PRKCZ: variants seen among roughly 807,000 people sequenced by gnomAD.
The protein encoded by PRKCZ is protein kinase C zeta type.
A neutral mutation model predicts 79.5 loss-of-function variants in PRKCZ; 33 were observed. The observed-to-expected ratio is 0.41, with a 90% CI of 0.31 to 0.55. PRKCZ has a LOEUF of 0.55. Among genes scored for constraint, PRKCZ ranks in the 20% least tolerant of loss-of-function variants. PRKCZ has a pLI of 0.19. For synonymous variants in PRKCZ, 342 were observed against 320.9 expected (o/e 1.07, Z -0.70); for missense variants, 578 against 813.5 (o/e 0.71, Z 3.52).
Position 2,165,105 on chromosome 1 carries a change from G to C in PRKCZ, c.975-4413G>C, listed in dbSNP as rs1362841724. On this transcript the variant is annotated intron_variant, in intron 10 of 17. Coordinates refer to ENST00000378567, the MANE Select transcript of PRKCZ (RefSeq NM_002744.6). The surrounding 1 kb of genome is among the most constrained non-coding windows in gnomAD (Gnocchi z 4.1). ...CCTTTTATCTTTGATGGAGAAATCC[G>C]AGGCCTGCCAGCATCCCCACCAGTA... Among the ~76,000 whole-genome samples the C allele has an allele frequency of 6.6e-6, 1 of 152,208 alleles. No individual in the cohort carries two copies. The highest frequency in any genetic ancestry group is 1.5e-5 in the Non-Finnish European group (1 of 68,034).
In PRKCZ at chr1:2,050,524, T is replaced by A. The variant is rs924300447; in HGVS notation, c.-107T>A. On this transcript the variant is annotated 5_prime_UTR_variant, in exon 1 of 18. Transcript: ENST00000378567. ...TTGACCGGGTCGGCGCCGTCGGTCC[T>A]GAGCGCTGCCTTCCGCGTTCCGCCG... The A allele has an allele frequency of 4.8e-4, 329 of 686,974 alleles. 1 individual carries two copies. Among genetic ancestry groups the A allele is most frequent in the Non-Finnish European group, 5.8e-4 (292 of 504,772 alleles). 42.6% of individuals were successfully genotyped at this position (686,974 alleles called of 1,614,324 possible). A position where few individuals can be genotyped will look rare whatever the true frequency, so the allele number is the denominator to read the frequency against.
At chr1:2,163,354 G>T (rs1396274212) in intron 10 of PRKCZ, among the ~76,000 whole-genome samples, 1 of 152,194 alleles carries the variant, frequency 6.6e-6, no homozygotes, top group Non-Finnish European at 1.5e-5. Context: ...GTCCCTGCCT[G>T]AGCTGTTGGA....
At chr1:2,121,529 A>ATGGTG (rs1671918024) in intron 4 of PRKCZ, among the ~76,000 whole-genome samples, 2 of 7,318 alleles carry the variant, frequency 2.7e-4, no homozygotes, top group African/African-American at 9.6e-4. Flanking sequence ...AGGTCATGGC[A>ATGGTG]GTAGTTAGGG....
At chr1:2,164,747 T>C (rs1285618828) in intron 10 of PRKCZ, among the ~76,000 whole-genome samples, 1 of 152,238 alleles carries the variant, frequency 6.6e-6, no homozygotes, top group African/African-American at 2.4e-5. Context: ...TAAATTGCGT[T>C]ATTACCTCTT....
At position 2,149,028 on chromosome 1, in the gene PRKCZ, T is replaced by C; in HGVS notation, c.687+104T>C. ...AAATCTAGATGTGAAATAGACATGG[T>C]CCGGGGTGTTGCTAACTAATCTTCA... On this transcript the variant is annotated intron_variant, in intron 8 of 17. Transcript: ENST00000378567. This position sits in a 1 kb window ranked among gnomAD's most constrained non-coding sequence, Gnocchi z 4.1. The C allele has an allele frequency of 7.8e-7, 1 of 1,287,762 alleles. No homozygotes were observed. Among genetic ancestry groups the C allele is most frequent in the Non-Finnish European group, 1.1e-6 (1 of 899,408 alleles). 79.8% of individuals were successfully genotyped at this position (1,287,762 alleles called of 1,614,324 possible).
intron 4 of PRKCZ, 136 bp from the exon 5 acceptor site, chr1:2,135,126 T>G: frequency 1.5e-6 from 1 of 685,172 alleles, no homozygotes. Context: ...AGGCCGTCAT[T>G]CCAGCCCTGC....
In PRKCZ at chr1:2,055,455, C is replaced by T. The variant is rs760154314; in HGVS notation, c.86C>T (p.Thr29Ile). Residue 29 changes from threonine (T) to isoleucine (I), a missense_variant, in exon 2 of 18, where the codon ACC (threonine) becomes ATC (isoleucine). Physicochemically the swap from Thr to Ile is moderately conservative, Grantham distance 89. Around this residue, in one of 4 missense-constraint regions of PRKCZ, gnomAD observed 228 missense variants for 211.6 expected, o/e 1.08. Coordinates refer to ENST00000378567, the MANE Select transcript of PRKCZ (RefSeq NM_002744.6). ...CTCTGCCCCAGGGACATCTTCATCA[C>T]CAGCGTGGACGCCGCCACGACCTTC... ...KAHYGGDIFI[T>I]SVDAATTFEE... 1 of 1,613,212 alleles carries T rather than the reference C, an allele frequency of 6.2e-7. No individual in the cohort carries two copies. The highest frequency in any genetic ancestry group is 1.1e-5 in the South Asian group (1 of 90,978).
intron 4 of PRKCZ, among the ~76,000 whole-genome samples, chr1:2,067,434 T>C (rs1661214542): frequency 6.6e-6 from 1 of 152,202 alleles, no homozygotes; most frequent in South Asian, 2.1e-4. Context: ...CGTTCGGGGC[T>C]GAGCGTGTGA....
rs867789352 is a variant in PRKCZ at position 2,124,137 on chromosome 1, T to C, written c.335-11125T>C. The stretch of plus-strand genomic sequence containing the variant: ...GTCACGGCGGTGGTTAGGGTCACGG[T>C]GGTGGTTAGGGTCACGGCGGTGGTT... On this transcript the variant is annotated intron_variant, in intron 4 of 17. Transcript: ENST00000378567. Among the ~76,000 whole-genome samples the C allele has an allele frequency of 5.4e-3, 287 of 53,032 alleles. 88 individuals are homozygous for C. The highest frequency in any genetic ancestry group is 8.3e-3 in the Middle Eastern group (1 of 120). The allele number at this position is 53,032 out of a possible 152,430, so 34.8% of individuals were successfully genotyped here.
In PRKCZ at chr1:2,128,244, C is replaced by T. The variant is rs1044245894; in HGVS notation, c.335-7018C>T. ...CATGTGGCTTGACCACTGCCTTGCA[C>T]CCATCCGGGCCCCGCAGGGCCGTCC... is the stretch of plus-strand genomic sequence containing the variant. On this transcript the variant is annotated intron_variant, in intron 4 of 17. Coordinates refer to ENST00000378567, the MANE Select transcript of PRKCZ (RefSeq NM_002744.6). The surrounding 1 kb of genome is among the most constrained non-coding windows in gnomAD (Gnocchi z 6.5). Among the ~76,000 whole-genome samples, 4 of 152,332 alleles carry T rather than the reference C, an allele frequency of 2.6e-5. No individual in the cohort carries two copies. Among genetic ancestry groups the T allele is most frequent in the Admixed American group, 2.0e-4 (3 of 15,312 alleles).
At chr1:2,139,671 A>T (rs1366249969) in intron 5 of PRKCZ, among the ~76,000 whole-genome samples, 1 of 152,192 alleles carries the variant, frequency 6.6e-6, no homozygotes, top group Non-Finnish European at 1.5e-5. Flanking sequence ...AACCCTGGGG[A>T]TGTGGGACAG....
At chr1:2,180,627 G>A (rs1016990963) in intron 16 of PRKCZ, among the ~76,000 whole-genome samples, 2 of 152,188 alleles carry the variant, frequency 1.3e-5, no homozygotes, top group African/African-American at 4.8e-5. Context: ...ATCCCCAGAC[G>A]ACTCAGATGC....
chr1:2,091,557 C>G (rs1018216894), intron 4 of PRKCZ, among the ~76,000 whole-genome samples: 2 of 152,118 alleles, frequency 1.3e-5, no homozygotes, highest in Non-Finnish European at 2.9e-5. Flanking sequence ...TGGCCGTCCT[C>G]TTGGGGCGAG....
intron 4 of PRKCZ, among the ~76,000 whole-genome samples, chr1:2,091,001 A>G (rs574469241): frequency 3.3e-5 from 5 of 152,318 alleles, no homozygotes; most frequent in East Asian, 3.9e-4. Flanking sequence ...GTGCTTTAAT[A>G]AAGAGGTCAG....
At chr1:2,123,606 C>T (rs201340388) in intron 4 of PRKCZ, among the ~76,000 whole-genome samples, 1 of 792 alleles carries the variant, frequency 1.3e-3, no homozygotes, top group African/African-American at 0.023. Context: ...GTTAGGGTCA[C>T]GGTGGTGGTT....
intron 4 of PRKCZ, among the ~76,000 whole-genome samples, chr1:2,104,023 C>T (rs534760543): frequency 7.9e-5 from 12 of 152,330 alleles, no homozygotes; most frequent in African/African-American, 1.7e-4. Flanking sequence ...CGCACGCAGA[C>T]GGGAGGGAGC....
rs1217240648 is a variant in PRKCZ at position 2,082,492 on chromosome 1, G to T, written c.334+22901G>T. On this transcript the variant is annotated intron_variant, in intron 4 of 17. Transcript: ENST00000378567. This position sits in a 1 kb window ranked among gnomAD's most constrained non-coding sequence, Gnocchi z 4.4. Reference sequence around the variant, plus strand: ...GTAAGATCACGTCCGCGTTCCTAGCGACCGGTTTTGTGATGTGGGCAGTGC... The same window carrying T: ...GTAAGATCACGTCCGCGTTCCTAGCTACCGGTTTTGTGATGTGGGCAGTGC... 4.5e-6 allele frequency: 2 copies of T among 445,482 alleles called. No homozygotes were observed. Among genetic ancestry groups the T allele is most frequent in the Non-Finnish European group, 9.0e-6 (2 of 221,168 alleles). The allele number at this position is 445,482 out of a possible 1,614,324, so 27.6% of individuals were successfully genotyped here. A position where few individuals can be genotyped will look rare whatever the true frequency, so the allele number is the denominator to read the frequency against.
At chr1:2,144,569 C>G in intron 6 of PRKCZ, 3 of 1,386,930 alleles carry the variant, frequency 2.2e-6, no homozygotes, top group Non-Finnish European at 2.8e-6. Flanking sequence ...GCATGAGGCT[C>G]AGGCAGCAGG....
rs12080420 is a variant in PRKCZ, at chr1:2,106,837, A to G, written c.335-28425A>G. Among the ~76,000 whole-genome samples, 353 of 47,788 alleles carry G rather than the reference A, an allele frequency of 7.4e-3. 2 individuals are homozygous for G. The highest frequency in any genetic ancestry group is 0.017 in the East Asian group (25 of 1,468). The allele number at this position is 47,788 out of a possible 152,430, so 31.4% of individuals were successfully genotyped here. A position where few individuals can be genotyped will look rare whatever the true frequency, so the allele number is the denominator to read the frequency against. ...CCCTCTGGTGGGCGAGGACCTCCAC[A>G]CGTGTCACCAGGCCAGGCGACTCTT... On this transcript the variant is annotated intron_variant, in intron 4 of 17. Transcript: ENST00000378567.
Sources: allele counts gnomAD v4.1 joint callset (sites outside exome capture counted in the v4.1 genomes callset), GRCh38; gene constraint gnomAD v4.1.1; regional missense constraint gnomAD v4.1.1; non-coding constraint Gnocchi (gnomAD v3.1); transcripts MANE v1.5; gene names NCBI Gene and HGNC (gene_info 2026-07-23, HGNC 2026-07-21).